The following SETD2 variants were observed in gnomAD, a reference collection of about 807,000 sequenced individuals.
SETD2 encodes the protein SET domain containing 2, histone lysine methyltransferase, also known as histone-lysine N-methyltransferase SETD2.
A neutral mutation model predicts 242.1 loss-of-function variants in SETD2; 31 were observed. The observed-to-expected ratio is 0.13, with a 90% CI of 0.10 to 0.17. The LOEUF (loss-of-function observed/expected upper bound fraction) is 0.17. Among genes scored for constraint, SETD2 ranks in the 10% least tolerant of loss-of-function variants. The pLI is 1.00. For missense variants in SETD2, 2,481 were observed against 3,046.3 expected (o/e 0.81, Z 4.37); for synonymous variants, 1,006 against 1,066.5 (o/e 0.94, Z 1.11).
At chr3:47,071,432 G>A (rs548625298) in intron 12 of SETD2, among the ~76,000 whole-genome samples, 29 of 152,170 alleles carry the variant, frequency 1.9e-4, no homozygotes, top group Non-Finnish European at 3.1e-4. Flanking sequence ...CTAATTTATA[G>A]AAATCACCTA....
intron 14 of SETD2, among the ~76,000 whole-genome samples, chr3:47,058,454 A>AAAAAC (rs2040176886): frequency 2.7e-5 from 4 of 149,400 alleles, no homozygotes; most frequent in African/African-American, 9.9e-5. Context: ...AAAAAAAAAA[A>AAAAAC]AAAAAAAAAA....
chr3:47,042,587 C>A lies in SETD2; in HGVS notation c.7212G>T (p.Lys2404Asn), dbSNP rs765007030. 1 of 1,614,086 alleles carries A rather than the reference C, an allele frequency of 6.2e-7. No homozygotes were observed. The highest frequency in any genetic ancestry group is 8.5e-7 in the Non-Finnish European group (1 of 1,180,002). The change falls in exon 17 of 21, where the codon AAG (lysine) becomes AAT (asparagine). Residue 2404 changes from lysine to asparagine, a missense_variant. Physicochemically the swap from Lys to Asn is moderately conservative, Grantham distance 94 (BLOSUM62 0). This residue lies in a region of SETD2 where 235 missense variants were observed against 293.9 expected (regional missense o/e 0.80). Coordinates refer to ENST00000409792, the MANE Select transcript of SETD2 (RefSeq NM_014159.7). ...TTGTGATCACATGGTAGTAATAAATCTTCCCTTCTGGATCTCGAGCTGTCT... is the reference window on the plus strand; with the variant it reads ...TTGTGATCACATGGTAGTAATAAATATTCCCTTCTGGATCTCGAGCTGTCT... ...NWKTARDPEGKIYYYHVITRQ... is the reference protein window; with the variant it reads ...NWKTARDPEGNIYYYHVITRQ...
intron 18 of SETD2, among the ~76,000 whole-genome samples, chr3:47,025,904 T>G (rs1458477477): frequency 6.6e-6 from 1 of 152,158 alleles, no homozygotes; most frequent in Non-Finnish European, 1.5e-5. Flanking sequence ...GGCAAAGACT[T>G]CATGTCTAAA....
chr3:47,119,908 T>G, intron 3 of SETD2: 1 of 432,548 alleles, frequency 2.3e-6, no homozygotes, highest in Non-Finnish European at 4.3e-6. Context: ...ACAGAAATAC[T>G]GGGCTAGCCT....
chr3:47,096,236 T>C (rs576326993), intron 9 of SETD2, among the ~76,000 whole-genome samples: 2 of 152,334 alleles, frequency 1.3e-5, no homozygotes, highest in Admixed American at 6.5e-5. Flanking sequence ...TTGGAGCTTA[T>C]TTCCACCACC....
intron 9 of SETD2, among the ~76,000 whole-genome samples, chr3:47,095,948 G>T (rs1575764530): frequency 6.6e-6 from 1 of 151,904 alleles, no homozygotes; most frequent in African/African-American, 2.4e-5. Flanking sequence ...TAGAGATGAG[G>T]TCTCACTATA....
intron 1 of SETD2, among the ~76,000 whole-genome samples, chr3:47,153,230 T>G (rs1360924147): frequency 1.3e-5 from 2 of 152,146 alleles, no homozygotes; most frequent in Non-Finnish European, 2.9e-5. Context: ...TTACACAAAT[T>G]CCAAAGCTAA....
chr3:47,113,408 A>G (rs2107716685), intron 5 of SETD2, among the ~76,000 whole-genome samples: 1 of 152,342 alleles, frequency 6.6e-6, no homozygotes, highest in East Asian at 1.9e-4. Flanking sequence ...AAACATAATT[A>G]CCAAAAAAGA....
intron 1 of SETD2, among the ~76,000 whole-genome samples, chr3:47,135,131 A>G (rs985493270): frequency 2.0e-5 from 3 of 152,220 alleles, no homozygotes; most frequent in Admixed American, 6.5e-5. Flanking sequence ...TCAAATAACT[A>G]TAATACAAGG....
chr3:47,031,476 C>T (rs2038767922), intron 18 of SETD2, among the ~76,000 whole-genome samples: 1 of 152,154 alleles, frequency 6.6e-6, no homozygotes, highest in South Asian at 2.1e-4. Flanking sequence ...TACCTTTCTT[C>T]AGACAAACAA....
At position 47,124,062 on chromosome 3, in the gene SETD2, G is replaced by A. The variant is rs1217878686; in HGVS notation, c.574C>T (p.Pro192Ser). Residue 192 changes from proline to serine, a missense_variant, in exon 3 of 21, where the codon CCA becomes TCA. By Grantham distance (74) the Pro-to-Ser change is moderately conservative. Transcript: ENST00000409792. ...TVDSPPSSPPPPPPPAQATTL... is the reference protein window; with the variant it reads ...TVDSPPSSPPSPPPPAQATTL... The stretch of plus-strand genomic sequence containing the variant: ...GTGGCTTGGGCAGGTGGAGGCGGTG[G>A]AGGCGGAGATGAGGGCGGTGAGTCT... 2 of 1,551,960 alleles carry A rather than the reference G, an allele frequency of 1.3e-6. No homozygotes were observed. The highest frequency in any genetic ancestry group is 3.9e-5 in the Admixed American group (2 of 51,006).
chr3:47,044,390 C>T (rs1478319927), intron 16 of SETD2, among the ~76,000 whole-genome samples: 1 of 108,790 alleles, frequency 9.2e-6, no homozygotes, highest in Admixed American at 1.0e-4. Flanking sequence ...AAAAAAAGGC[C>T]TAGAAGGGCT....
intron 1 of SETD2, among the ~76,000 whole-genome samples, chr3:47,151,132 A>C (rs1032363684): frequency 9.2e-5 from 14 of 152,174 alleles, no homozygotes; most frequent in South Asian, 2.1e-4. Flanking sequence ...ATATTCTATA[A>C]TATATTCATC....
At chr3:47,126,985 A>G (rs746629826) in intron 1 of SETD2, among the ~76,000 whole-genome samples, 21 of 152,250 alleles carry the variant, frequency 1.4e-4, no homozygotes, top group Non-Finnish European at 2.8e-4. Flanking sequence ...TGGAGTAAAT[A>G]TAAGAATAGA....
chr3:47,127,754 G>C (rs921889964), intron 1 of SETD2, among the ~76,000 whole-genome samples: 4 of 152,132 alleles, frequency 2.6e-5, no homozygotes, highest in African/African-American at 7.2e-5. Context: ...CCAGCTACTC[G>C]GGAGGCTGAG....
intron 1 of SETD2, among the ~76,000 whole-genome samples, chr3:47,141,413 C>T (rs1316742963): frequency 6.6e-6 from 1 of 152,116 alleles, no homozygotes; most frequent in African/African-American, 2.4e-5. Flanking sequence ...AATACAAAAA[C>T]AGCTCTTTCA....
intron 1 of SETD2, among the ~76,000 whole-genome samples, chr3:47,135,558 G>GA (rs1575833585): frequency 6.6e-6 from 1 of 152,244 alleles, no homozygotes; most frequent in Non-Finnish European, 1.5e-5. Flanking sequence ...TTACAGGCAT[G>GA]AGCCAGTACA....
At chr3:47,044,169 TG>T (rs1353753525) in intron 16 of SETD2, among the ~76,000 whole-genome samples, 1 of 151,312 alleles carries the variant, frequency 6.6e-6, no homozygotes, top group Non-Finnish European at 1.5e-5. Flanking sequence ...AGTGAAACCC[TG>T]TCTCTACTAA....
chr3:47,049,803 TTATATTATA>T (rs1196277529), intron 15 of SETD2, among the ~76,000 whole-genome samples: 2 of 144,060 alleles, frequency 1.4e-5, no homozygotes, highest in Non-Finnish European at 3.0e-5. Context: ...TATTCTGAGT[TTATATTATA>T]TATATTATAT....
Sources: gnomAD v4.1 joint callset for allele counts (sites outside exome capture counted in the v4.1 genomes callset) on GRCh38, gnomAD v4.1.1 for gene constraint, gnomAD v4.1.1 regional missense constraint, MANE v1.5 for transcripts, NCBI Gene and HGNC (gene_info 2026-07-23, HGNC 2026-07-21) for gene names.